The following MICU3 variants were observed in gnomAD, a reference collection of about 807,000 sequenced individuals.
The protein encoded by MICU3 is calcium uptake protein 3, mitochondrial.
MICU3 carries 62 observed loss-of-function variants against 66.5 expected under a neutral mutation model. The ratio of observed to expected loss-of-function variants is 0.93; its 90% CI spans 0.76 to 1.15. MICU3 has a LOEUF of 1.15. Ranked by LOEUF, MICU3 falls within the 50% of genes most tolerant of loss-of-function variation. MICU3 has a pLI of 0.00. For synonymous variants in MICU3, 308 were observed against 240.7 expected, an observed-to-expected ratio of 1.28 and a Z score of -2.59; for missense variants, 779 against 664.4, an observed-to-expected ratio of 1.17 and a Z score of -1.90.
At position 17,069,704 on chromosome 8, in the gene MICU3, G is replaced by A. The variant is rs757554095; in HGVS notation, c.552G>A (p.Lys184=). Residue 184 remains lysine, a synonymous_variant, in exon 3 of 15, where the codon AAG becomes AAA. Coordinates refer to ENST00000318063, the MANE Select transcript of MICU3 (RefSeq NM_181723.3). Reference sequence around the variant, plus strand: ...TTATTTTAGTTGCCAAAACTTGGAAGTCACTTTCCAAACAGGTGAGTTAAA... The same window carrying A: ...TTATTTTAGTTGCCAAAACTTGGAAATCACTTTCCAAACAGGTGAGTTAAA... ...TDEPKVAKTW[K]SLSKQELNQM... The A allele has an allele frequency of 5.2e-6, 8 of 1,544,208 alleles. No homozygotes were observed. Among genetic ancestry groups the A allele is most frequent in the Non-Finnish European group, 7.0e-6 (8 of 1,140,592 alleles).
At position 17,122,445 on chromosome 8, in the gene MICU3, A is replaced by T. The variant is rs975116384; in HGVS notation, c.*2158A>T. ...AACTGTTCTTTGGAAAAATTAAGTT[A>T]TACATAAAATTCATATTAAACTTTT... On this transcript the variant is annotated 3_prime_UTR_variant, in exon 15 of 15. Transcript: ENST00000318063. 6.6e-6 allele frequency: 1 copy of T among 151,880 alleles called. No individual in the cohort carries two copies. Among genetic ancestry groups the T allele is most frequent in the Non-Finnish European group, 1.5e-5 (1 of 67,764 alleles). The allele number at this position is 151,880 out of a possible 1,614,324, so 9.4% of individuals were successfully genotyped here.
At chr8:17,092,259 T>C (rs1800148342) in intron 8 of MICU3, among the ~76,000 whole-genome samples, 1 of 152,004 alleles carries the variant, frequency 6.6e-6, no homozygotes, top group Non-Finnish European at 1.5e-5. Context: ...TCCCTTAATC[T>C]CATAAGCAGT....
At chr8:17,067,712 T>C (rs1466712011) in intron 2 of MICU3, among the ~76,000 whole-genome samples, 1 of 152,170 alleles carries the variant, frequency 6.6e-6, no homozygotes, top group African/African-American at 2.4e-5. Flanking sequence ...GGGGTGCAAT[T>C]ACAGGCGTAA....
At chr8:17,130,936 T>C in the MICU3 span, among the ~76,000 whole-genome samples, 1 of 152,232 alleles carries the variant, frequency 6.6e-6, no homozygotes, top group South Asian at 2.1e-4. Context: ...TGAAAATATG[T>C]ATTTTATATA....
At chr8:17,104,788 G>C in intron 10 of MICU3, among the ~76,000 whole-genome samples, 1 of 36,948 alleles carries the variant, frequency 2.7e-5, no homozygotes, top group Non-Finnish European at 4.3e-5. Context: ...GAGGTCAGGA[G>C]ATCGAGACCA....
Position 17,091,130 on chromosome 8 carries a change from T to A in MICU3, c.888+546T>A, listed in dbSNP as rs188734418. ...TGATATGTTATATCAGTTTATCATATTATTTCTAAAGAGGATAATGACTTT... is the reference window on the plus strand; with the variant it reads ...TGATATGTTATATCAGTTTATCATAATATTTCTAAAGAGGATAATGACTTT... On this transcript the variant is annotated intron_variant, in intron 8 of 14. Coordinates refer to ENST00000318063, the MANE Select transcript of MICU3 (RefSeq NM_181723.3). 2.2e-4 allele frequency among the ~76,000 whole-genome samples: 34 copies of A among 152,260 alleles called. No homozygotes were observed. The East Asian group carries it at 3.1e-3, about 14-fold the overall frequency.
chr8:17,079,329 A>C (rs572473275), intron 4 of MICU3, among the ~76,000 whole-genome samples: 59 of 152,244 alleles, frequency 3.9e-4, no homozygotes, highest in African/African-American at 1.4e-3. Flanking sequence ...TTTAAATTTA[A>C]ATAGCTACAC....
chr8:17,032,267 G>A (rs1481288439), intron 1 of MICU3, among the ~76,000 whole-genome samples: 1 of 152,038 alleles, frequency 6.6e-6, no homozygotes, highest in Non-Finnish European at 1.5e-5. Context: ...CTATGGCTTT[G>A]GCCTTTATTT....
At chr8:17,043,705 G>A (rs1430534754) in intron 1 of MICU3, among the ~76,000 whole-genome samples, 4 of 152,172 alleles carry the variant, frequency 2.6e-5, no homozygotes, top group Non-Finnish European at 5.9e-5. Context: ...GTACTGTGAA[G>A]ATGTGCTATC....
downstream of MICU3, among the ~76,000 whole-genome samples, chr8:17,126,781 G>C (rs1185071370): frequency 6.6e-6 from 1 of 152,112 alleles, no homozygotes; most frequent in Non-Finnish European, 1.5e-5. Context: ...AAAGTATTAC[G>C]GTGATTGTAA....
intron 4 of MICU3, among the ~76,000 whole-genome samples, chr8:17,079,138 A>G (rs982762171): frequency 1.4e-5 from 2 of 140,262 alleles, no homozygotes; most frequent in Admixed American, 7.1e-5. Flanking sequence ...TTCTCATGTT[A>G]TACACATGTT....
Position 17,049,324 on chromosome 8 carries a change from C to T in MICU3, c.382-14760C>T, listed in dbSNP as rs140160604. Among the ~76,000 whole-genome samples the T allele has an allele frequency of 9.8e-4, 149 of 152,194 alleles. 3 individuals are homozygous for T. In the East Asian group the frequency reaches 0.024, roughly 24 times the overall value. On this transcript the variant is annotated intron_variant, in intron 1 of 14. Transcript: ENST00000318063. ...TTGGACATATTTGGAGAATATCTAA[C>T]TTATAGTGCCACAGAGGTTCTAGAT...
Position 17,122,413 on chromosome 8 carries a change from T to C in MICU3, c.*2126T>C, listed in dbSNP as rs1803260058. 6.6e-6 allele frequency: 1 copy of C among 151,882 alleles called. No individual in the cohort carries two copies. Among genetic ancestry groups the C allele is most frequent in the Admixed American group, 6.6e-5 (1 of 15,262 alleles). The allele number at this position is 151,882 out of a possible 1,614,324, so 9.4% of individuals were successfully genotyped here. A position where few individuals can be genotyped will look rare whatever the true frequency, so the allele number is the denominator to read the frequency against. On this transcript the variant is annotated 3_prime_UTR_variant, in exon 15 of 15. Transcript: ENST00000318063. The stretch of plus-strand genomic sequence containing the variant: ...GTATGCTGTTATTGTCAGTGTTTCC[T>C]TCTATAAACTGTTCTTTGGAAAAAT...
rs566316460 is a variant in MICU3 at position 17,084,089 on chromosome 8, T to C, written c.695-1147T>C. Among the ~76,000 whole-genome samples the C allele has an allele frequency of 3.1e-4, 47 of 152,212 alleles. No homozygotes were observed. In the South Asian group the frequency reaches 9.3e-3, roughly 30 times the overall value. On this transcript the variant is annotated intron_variant, in intron 5 of 14. Transcript: ENST00000318063. ...AATTGAATAATTATGGGATATTGTTTACATTAGAACTAAGAAAACTGTGAA... is the reference window on the plus strand; with the variant it reads ...AATTGAATAATTATGGGATATTGTTCACATTAGAACTAAGAAAACTGTGAA...
chr8:17,096,821 G>A (rs765227673), intron 8 of MICU3, among the ~76,000 whole-genome samples: 1 of 151,734 alleles, frequency 6.6e-6, no homozygotes, highest in Non-Finnish European at 1.5e-5. Context: ...TTCAAATATG[G>A]CAAAGCAAGA....
intron 1 of MICU3, among the ~76,000 whole-genome samples, chr8:17,030,788 C>T (rs1044727307): frequency 3.9e-5 from 6 of 152,096 alleles, no homozygotes; most frequent in Admixed American, 2.6e-4. Flanking sequence ...AGGCCTTGTC[C>T]GTTTTGGGAT....
At chr8:17,099,082 A>G (rs1297087795) in intron 9 of MICU3, among the ~76,000 whole-genome samples, 3 of 151,648 alleles carry the variant, frequency 2.0e-5, no homozygotes, top group Non-Finnish European at 3.0e-5. Context: ...TTTCAGTTCT[A>G]TTACTGTTTA....
chr8:17,114,851 G>A (rs1293542248), intron 12 of MICU3, among the ~76,000 whole-genome samples: 1 of 151,936 alleles, frequency 6.6e-6, no homozygotes, highest in Non-Finnish European at 1.5e-5. Flanking sequence ...CGGGCGCGGT[G>A]GCTCACGCCT....
At chr8:17,083,562 T>C (rs1041205437) in intron 5 of MICU3, among the ~76,000 whole-genome samples, 1 of 152,132 alleles carries the variant, frequency 6.6e-6, no homozygotes, top group Non-Finnish European at 1.5e-5. Context: ...AGCTTGGAGA[T>C]TAAAGCAAGA....
Sources: allele counts gnomAD v4.1 joint callset (sites outside exome capture counted in the v4.1 genomes callset), GRCh38; gene constraint gnomAD v4.1.1; transcripts MANE v1.5; gene names NCBI Gene and HGNC (gene_info 2026-07-23, HGNC 2026-07-21).